Variants in EPB41L2 observed in about 807,000 individuals in gnomAD.
The protein encoded by EPB41L2 is erythrocyte membrane protein band 4.1 like 2, also known as band 4.1-like protein 2.
Under a neutral mutation model 113.0 loss-of-function variants are expected in EPB41L2, and 43 were observed. The ratio of observed to expected loss-of-function variants is 0.38; its 90% CI spans 0.30 to 0.49. The LOEUF (loss-of-function observed/expected upper bound fraction) is 0.49, where lower values mean the gene tolerates loss of function less well. Ranked by LOEUF, EPB41L2 falls within the 20% of genes least tolerant of loss-of-function variation. The pLI, the probability that EPB41L2 is intolerant of heterozygous loss-of-function variation, is 0.95. For synonymous variants in EPB41L2, 442 were observed against 436.7 expected, an observed-to-expected ratio of 1.01 and a Z score of -0.15; for missense variants, 1,147 against 1,223.4, an observed-to-expected ratio of 0.94 and a Z score of 0.93.
At chr6:130,858,065 C>T in intron 19 of EPB41L2, 66 bp downstream of exon 19, 5 of 1,240,250 alleles carry the variant, frequency 4.0e-6, no homozygotes, top group South Asian at 3.6e-5. Flanking sequence ...CATTTCACAT[C>T]CTTTCACAAG....
At chr6:131,059,335 C>T (rs1295251088) in intron 1 of EPB41L2, among the ~76,000 whole-genome samples, 3 of 152,112 alleles carry the variant, frequency 2.0e-5, no homozygotes, top group Non-Finnish European at 4.4e-5. Context: ...AGGATGGTCT[C>T]GATCTCCTGA....
chr6:130,927,548 C>G (rs7738572), intron 3 of EPB41L2, among the ~76,000 whole-genome samples: 119,049 of 152,040 alleles, frequency 0.78, 47,106 homozygotes, highest in East Asian at 1. Flanking sequence ...GCCACCAATG[C>G]ACTGCTAGTG....
intron 1 of EPB41L2, among the ~76,000 whole-genome samples, chr6:131,033,858 C>G (rs909560933): frequency 6.6e-6 from 1 of 152,210 alleles, no homozygotes; most frequent in African/African-American, 2.4e-5. Context: ...TGGAAATAGA[C>G]AGTGGTGATG....
At chr6:130,958,789 C>T (rs767707679) in intron 1 of EPB41L2, among the ~76,000 whole-genome samples, 1 of 152,002 alleles carries the variant, frequency 6.6e-6, no homozygotes, top group Non-Finnish European at 1.5e-5. Context: ...AGGCAGAAGC[C>T]AAAACATAAA....
At chr6:130,888,708 T>G (rs1237324345) in intron 11 of EPB41L2, among the ~76,000 whole-genome samples, 1 of 152,230 alleles carries the variant, frequency 6.6e-6, no homozygotes, top group African/African-American at 2.4e-5. Flanking sequence ...AATATTTACA[T>G]GGGTTGGCAC....
At chr6:130,944,291 G>C (rs1052895020) in intron 3 of EPB41L2, among the ~76,000 whole-genome samples, 8 of 151,400 alleles carry the variant, frequency 5.3e-5, no homozygotes, top group African/African-American at 1.5e-4. Flanking sequence ...CATTTATCTT[G>C]GATAGAAAGA....
At chr6:130,931,622 A>T (rs1806904172) in intron 3 of EPB41L2, among the ~76,000 whole-genome samples, 1 of 152,168 alleles carries the variant, frequency 6.6e-6, no homozygotes, top group South Asian at 2.1e-4. Flanking sequence ...CAGCAACACC[A>T]TCTAGTGGCT....
intron 19 of EPB41L2, among the ~76,000 whole-genome samples, chr6:130,841,192 C>T (rs1188549696): frequency 1.4e-5 from 2 of 144,624 alleles, no homozygotes; most frequent in Non-Finnish European, 3.0e-5. Context: ...CTTTAATAGA[C>T]TGAGAAGTAC....
chr6:130,971,167 G>T (rs753260685), intron 1 of EPB41L2, among the ~76,000 whole-genome samples: 1 of 152,190 alleles, frequency 6.6e-6, no homozygotes, highest in African/African-American at 2.4e-5. Flanking sequence ...AAAATGTTGG[G>T]ATTACAGGTG....
At chr6:131,022,934 G>A (rs928721573) in intron 1 of EPB41L2, among the ~76,000 whole-genome samples, 2 of 152,086 alleles carry the variant, frequency 1.3e-5, no homozygotes, top group Non-Finnish European at 2.9e-5. Context: ...TCTAGAAGAC[G>A]ATTTCCACAA....
chr6:131,049,200 G>A (rs115581066), intron 1 of EPB41L2, among the ~76,000 whole-genome samples: 2 of 152,156 alleles, frequency 1.3e-5, no homozygotes, highest in Non-Finnish European at 2.9e-5. Context: ...GGGGGAAGAC[G>A]AATGTATTCA....
In EPB41L2 at chr6:130,911,718, A is replaced by C. The variant is rs1799457430; in HGVS notation, c.811-2855T>G. On this transcript the variant is annotated intron_variant, in intron 4 of 19. Coordinates refer to ENST00000337057, the MANE Select transcript of EPB41L2 (RefSeq NM_001431.4). Reference sequence around the variant, plus strand: ...ATTTTTGTTTTTCGAAGCTACAAGCAAAAGTCCAATAAAAAATTTAGATTT... The same window carrying C: ...ATTTTTGTTTTTCGAAGCTACAAGCCAAAGTCCAATAAAAAATTTAGATTT... Among the ~76,000 whole-genome samples, 3 of 152,298 alleles carry C rather than the reference A, an allele frequency of 2.0e-5. No homozygotes were observed. In the South Asian group the frequency reaches 6.2e-4, roughly 32 times the overall value.
At chr6:131,005,411 G>A (rs1164541773) in intron 1 of EPB41L2, among the ~76,000 whole-genome samples, 1 of 152,068 alleles carries the variant, frequency 6.6e-6, no homozygotes, top group African/African-American at 2.4e-5. Context: ...TTCCCAGTCT[G>A]ACAATGAAGC....
Position 130,895,054 on chromosome 6 carries a change from T to A in EPB41L2, c.1302A>T (p.Arg434Ser). 1 of 1,614,040 alleles carries A rather than the reference T, an allele frequency of 6.2e-7. No homozygotes were observed. The highest frequency in any genetic ancestry group is 8.5e-7 in the Non-Finnish European group (1 of 1,179,940). The change falls in exon 9 of 20, where the codon AGA becomes AGT. Residue 434 changes from arginine to serine, a missense_variant. Arg to Ser is a moderately radical substitution (Grantham distance 110). Transcript: ENST00000337057. ...GCCAAGCAAAACGATTGATTCGCAG[T>A]CTGTCTTTGTAAATGAGAAGTCCAT... ...CANGLLIYKDRLRINRFAWPK... is the reference protein window; with the variant it reads ...CANGLLIYKDSLRINRFAWPK...
chr6:131,052,419 G>A (rs1423920859), intron 1 of EPB41L2, among the ~76,000 whole-genome samples: 3 of 152,228 alleles, frequency 2.0e-5, no homozygotes, highest in African/African-American at 4.8e-5. Context: ...GGATGATGGA[G>A]GGCCCAGCCA....
At chr6:130,902,023 G>A (rs563293310) in intron 6 of EPB41L2, among the ~76,000 whole-genome samples, 2 of 152,246 alleles carry the variant, frequency 1.3e-5, no homozygotes, top group African/African-American at 4.8e-5. Flanking sequence ...ATACCCTGTG[G>A]GTTTCCCCCA....
chr6:131,030,408 G>C (rs1196178429), intron 1 of EPB41L2, among the ~76,000 whole-genome samples: 2 of 152,158 alleles, frequency 1.3e-5, no homozygotes, highest in African/African-American at 4.8e-5. Context: ...CCAGGACCTG[G>C]CTAAAAGACT....
intron 1 of EPB41L2, among the ~76,000 whole-genome samples, chr6:130,968,232 C>T (rs2128648070): frequency 6.6e-6 from 1 of 152,252 alleles, no homozygotes; most frequent in Admixed American, 6.5e-5. Context: ...AGGATAAACG[C>T]ACAGGCTGCA....
chr6:130,964,060 G>A (rs752832036), intron 1 of EPB41L2, among the ~76,000 whole-genome samples: 3 of 149,108 alleles, frequency 2.0e-5, no homozygotes, highest in Admixed American at 1.3e-4. Flanking sequence ...TCCCTCTGTC[G>A]CCCAGGGCTG....
Sources: allele counts gnomAD v4.1 joint callset (sites outside exome capture counted in the v4.1 genomes callset), GRCh38; gene constraint gnomAD v4.1.1; transcripts MANE v1.5; gene names NCBI Gene and HGNC (gene_info 2026-07-23, HGNC 2026-07-21).